DPYD: variants seen among roughly 807,000 people sequenced by gnomAD.
DPYD encodes the protein dihydropyrimidine dehydrogenase [NADP(+)].
A neutral mutation model predicts 116.2 loss-of-function variants in DPYD; 109 were observed. The ratio of observed to expected loss-of-function variants is 0.94; its 90% CI spans 0.80 to 1.10. The LOEUF (loss-of-function observed/expected upper bound fraction) is 1.10. DPYD is among the 50% of genes least tolerant of loss of function. DPYD has a pLI of 0.00. For synonymous variants in DPYD, 440 were observed against 432.0 expected, an observed-to-expected ratio of 1.02 and a Z score of -0.23; for missense variants, 1,302 against 1,254.5, an observed-to-expected ratio of 1.04 and a Z score of -0.57.
At chr1:97,425,207 A>G (rs1470427006) in intron 14 of DPYD, among the ~76,000 whole-genome samples, 1 of 152,058 alleles carries the variant, frequency 6.6e-6, no homozygotes, top group Non-Finnish European at 1.5e-5. Context: ...AATAGATGTT[A>G]CCACATTTCA....
At chr1:97,900,264 G>A (rs886949962) in intron 1 of DPYD, among the ~76,000 whole-genome samples, 1 of 151,862 alleles carries the variant, frequency 6.6e-6, no homozygotes, top group Non-Finnish European at 1.5e-5. Flanking sequence ...ACGCACTCTA[G>A]TATCTATCTC....
intron 18 of DPYD, among the ~76,000 whole-genome samples, chr1:97,264,006 T>C (rs1664054173): frequency 6.6e-6 from 1 of 152,032 alleles, no homozygotes; most frequent in African/African-American, 2.4e-5. Flanking sequence ...TTCTTTTATC[T>C]ATTTTTTTCT....
intron 18 of DPYD, among the ~76,000 whole-genome samples, chr1:97,269,617 C>G (rs1015251851): frequency 2.0e-5 from 3 of 152,128 alleles, no homozygotes; most frequent in African/African-American, 7.2e-5. Context: ...GAGGTGCTGG[C>G]TGATTCAGTT....
At chr1:97,507,529 A>T (rs1426072607) in intron 13 of DPYD, among the ~76,000 whole-genome samples, 1 of 151,986 alleles carries the variant, frequency 6.6e-6, no homozygotes, top group African/African-American at 2.4e-5. Context: ...TAATCTTTTT[A>T]AAAAATCCAG....
chr1:97,713,277 A>C (rs535105420), intron 5 of DPYD, among the ~76,000 whole-genome samples: 1 of 152,244 alleles, frequency 6.6e-6, no homozygotes, highest in Admixed American at 6.5e-5. Flanking sequence ...TTAAAACTGT[A>C]AATTGGCAAC....
At chr1:97,458,613 T>C (rs1276676523) in intron 13 of DPYD, among the ~76,000 whole-genome samples, 1 of 152,120 alleles carries the variant, frequency 6.6e-6, no homozygotes, top group Non-Finnish European at 1.5e-5. Flanking sequence ...GAGCACGTTG[T>C]TAGGTAGAGT....
At chr1:97,757,992 T>C (rs1458858867) in intron 3 of DPYD, among the ~76,000 whole-genome samples, 5 of 152,192 alleles carry the variant, frequency 3.3e-5, no homozygotes, top group Admixed American at 2.6e-4. Flanking sequence ...GCCTGAGAAA[T>C]GGAGCGCCTG....
chr1:97,465,193 C>T (rs753597764), intron 13 of DPYD, among the ~76,000 whole-genome samples: 2 of 152,182 alleles, frequency 1.3e-5, no homozygotes, highest in Non-Finnish European at 2.9e-5. Flanking sequence ...TTTGGAATGG[C>T]TGTATTTACC....
chr1:97,264,172 T>TTG (rs1664072951), intron 18 of DPYD, among the ~76,000 whole-genome samples: 1 of 91,060 alleles, frequency 1.1e-5, no homozygotes, highest in African/African-American at 6.7e-5. Flanking sequence ...GTTTTTTTTT[T>TTG]TTTTTTTTTT....
At position 97,456,749 on chromosome 1, in the gene DPYD, C is replaced by T. The variant is rs567317598; in HGVS notation, c.1741-6526G>A. On this transcript the variant is annotated intron_variant, in intron 13 of 22. Coordinates refer to ENST00000370192, the MANE Select transcript of DPYD (RefSeq NM_000110.4). ...CCAGGACCAGTAGATTTAAATTCAC[C>T]TTAGAAACTTTAGAAGAAAATATAC... 5.9e-5 allele frequency among the ~76,000 whole-genome samples: 9 copies of T among 152,122 alleles called. No homozygotes were observed. In the South Asian group the frequency reaches 1.9e-3, roughly 32 times the overall value.
At chr1:97,394,588 A>C (rs368619261) in intron 14 of DPYD, among the ~76,000 whole-genome samples, 12 of 152,122 alleles carry the variant, frequency 7.9e-5, no homozygotes, top group Non-Finnish European at 1.2e-4. Flanking sequence ...AATAATGAAG[A>C]AGTTTGAAAT....
chr1:97,441,375 T>A (rs1280668256), intron 14 of DPYD, among the ~76,000 whole-genome samples: 1 of 152,142 alleles, frequency 6.6e-6, no homozygotes, highest in Non-Finnish European at 1.5e-5. Flanking sequence ...CCTGATGGTA[T>A]GTTTACTTCT....
At chr1:97,844,806 G>T (rs964875397) in intron 2 of DPYD, among the ~76,000 whole-genome samples, 7 of 152,188 alleles carry the variant, frequency 4.6e-5, no homozygotes, top group African/African-American at 1.7e-4. Flanking sequence ...TCAGGGGCCT[G>T]GGAAACCCCC....
At position 97,405,019 on chromosome 1, in the gene DPYD, G is replaced by T. The variant is rs184212853; in HGVS notation, c.1906-22558C>A. Among the ~76,000 whole-genome samples the T allele has an allele frequency of 3.7e-4, 55 of 148,748 alleles. No individual in the cohort carries two copies. In the East Asian group the frequency reaches 0.011, roughly 29 times the overall value. On this transcript the variant is annotated intron_variant, in intron 14 of 22. Coordinates refer to ENST00000370192, the MANE Select transcript of DPYD (RefSeq NM_000110.4). ...CAATATACATCTATAGCTAATCCAA[G>T]TCCATCAGATAACCCCGTACCACTT...
Position 97,617,657 on chromosome 1 carries a change from T to G in DPYD, c.851-22491A>C, listed in dbSNP as rs72732383. On this transcript the variant is annotated intron_variant, in intron 8 of 22. Coordinates refer to ENST00000370192, the MANE Select transcript of DPYD (RefSeq NM_000110.4). Reference sequence around the variant, plus strand: ...CTCTGAGAGAGGTGCTGTGGAGGGGTTGGGGGTGTCTGCTGACAGGCACTA... The same window carrying G: ...CTCTGAGAGAGGTGCTGTGGAGGGGGTGGGGGTGTCTGCTGACAGGCACTA... Among the ~76,000 whole-genome samples the G allele has an allele frequency of 3.1e-3, 473 of 151,984 alleles. 7 individuals carry two copies. The highest frequency in any genetic ancestry group is 0.011 in the African/African-American group (448 of 41,486).
At chr1:97,808,127 C>T (rs1328511450) in intron 3 of DPYD, among the ~76,000 whole-genome samples, 3 of 152,042 alleles carry the variant, frequency 2.0e-5, no homozygotes, top group Admixed American at 2.0e-4. Flanking sequence ...GGTTTGGAAT[C>T]ATTTTGTCCA....
intron 1 of DPYD, among the ~76,000 whole-genome samples, chr1:97,907,552 T>C (rs933427333): frequency 6.6e-6 from 1 of 152,122 alleles, no homozygotes; most frequent in African/African-American, 2.4e-5. Context: ...GGATTCTTCA[T>C]ATTTAGGAAT....
At chr1:97,359,697 C>G (rs760014457) in intron 16 of DPYD, among the ~76,000 whole-genome samples, 5 of 152,146 alleles carry the variant, frequency 3.3e-5, no homozygotes, top group Non-Finnish European at 2.9e-5. Context: ...AATTTCATAT[C>G]CAGCCAAACT....
intron 6 of DPYD, among the ~76,000 whole-genome samples, chr1:97,698,516 A>C (rs1371467349): frequency 6.6e-6 from 1 of 151,888 alleles, no homozygotes; most frequent in Admixed American, 6.6e-5. Flanking sequence ...ATTGGGTATG[A>C]TTAATTTATT....
Sources: gnomAD v4.1 joint callset for allele counts (sites outside exome capture counted in the v4.1 genomes callset) on GRCh38, gnomAD v4.1.1 for gene constraint, MANE v1.5 for transcripts, NCBI Gene and HGNC (gene_info 2026-07-23, HGNC 2026-07-21) for gene names.